GNA14: variants seen among roughly 807,000 people sequenced by gnomAD.
The protein encoded by GNA14 is guanine nucleotide-binding protein subunit alpha-14.
In GNA14, 50 loss-of-function variants were observed where a neutral mutation model predicts 42.0. That is an observed-to-expected ratio of 1.19 (90% CI 0.95 to 1.51). The LOEUF is 1.51. GNA14 is among the 40% of genes most tolerant of loss of function. The pLI is 0.00. For missense variants in GNA14, 473 were observed against 446.2 expected (o/e 1.06, Z -0.54); for synonymous variants, 173 against 163.1 (o/e 1.06, Z -0.46).
chr9:77,598,615 T>C (rs1823503129), intron 1 of GNA14, among the ~76,000 whole-genome samples: 1 of 152,214 alleles, frequency 6.6e-6, no homozygotes, highest in Non-Finnish European at 1.5e-5. Flanking sequence ...GAGGATTTAC[T>C]GGCATATATG....
chr9:77,639,642 T>TG (rs1824228993), intron 1 of GNA14, among the ~76,000 whole-genome samples: 4 of 152,238 alleles, frequency 2.6e-5, no homozygotes, highest in African/African-American at 9.6e-5. Context: ...CAGCAGCGAC[T>TG]GGCAGGGTGG....
At chr9:77,466,355 C>T (rs1836226160) in intron 2 of GNA14, among the ~76,000 whole-genome samples, 1 of 152,140 alleles carries the variant, frequency 6.6e-6, no homozygotes, top group South Asian at 2.1e-4. Context: ...TTTAAGTTCA[C>T]ACCGATTTTT....
At chr9:77,558,136 A>T (rs11145478) in intron 1 of GNA14, among the ~76,000 whole-genome samples, 42,172 of 152,148 alleles carry the variant, frequency 0.28, 6,878 homozygotes, top group African/African-American at 0.46. Flanking sequence ...ATAGATCAGA[A>T]AATATATAAT....
At chr9:77,571,385 T>C (rs1482391905) in intron 1 of GNA14, among the ~76,000 whole-genome samples, 1 of 152,058 alleles carries the variant, frequency 6.6e-6, no homozygotes, top group Non-Finnish European at 1.5e-5. Flanking sequence ...AGGGTCTTAT[T>C]TGTAGTGTAT....
intron 1 of GNA14, among the ~76,000 whole-genome samples, chr9:77,538,958 G>C (rs1837628936): frequency 6.6e-6 from 1 of 152,134 alleles, no homozygotes; most frequent in African/African-American, 2.4e-5. Context: ...CCACAAAGAG[G>C]TACAATTTGA....
At chr9:77,588,775 A>G (rs1823344878) in intron 1 of GNA14, among the ~76,000 whole-genome samples, 1 of 152,176 alleles carries the variant, frequency 6.6e-6, no homozygotes, top group South Asian at 2.1e-4. Context: ...AGCCCCAGGA[A>G]GTCCTTCTGA....
intron 2 of GNA14, among the ~76,000 whole-genome samples, chr9:77,478,260 G>A (rs1289394281): frequency 6.7e-6 from 1 of 149,058 alleles, no homozygotes; most frequent in Non-Finnish European, 1.5e-5. Context: ...TCCCACCTAT[G>A]AGTGAGAACA....
chr9:77,425,626 C>G lies in GNA14; in HGVS notation c.813G>C (p.Lys271Asn), dbSNP rs994560247. 3 of 1,608,864 alleles carry G rather than the reference C, an allele frequency of 1.9e-6. No homozygotes were observed. The highest frequency in any genetic ancestry group is 2.6e-6 in the Non-Finnish European group (3 of 1,175,396). The change falls in exon 6 of 7, where the codon AAG becomes AAC. Residue 271 changes from lysine to asparagine, a missense_variant. Transcript: ENST00000341700. Reference protein sequence around the residue: ...LNSSVILFLNKKDLLEEKIMY... With the variant: ...LNSSVILFLNNKDLLEEKIMY... ...TGATTTTCTCTTCCAAAAGATCCTTCTTGTTCAAGAATAAAATCACAGACG... is the reference window on the plus strand; with the variant it reads ...TGATTTTCTCTTCCAAAAGATCCTTGTTGTTCAAGAATAAAATCACAGACG...
At position 77,431,348 on chromosome 9, in the gene GNA14, G is replaced by T. The variant is rs1041303258; in HGVS notation, c.566C>A (p.Pro189Gln). Residue 189 changes from proline (P) to glutamine (Q), a missense_variant, in exon 4 of 7, where the codon CCA becomes CAA. Pro to Gln is a moderately conservative substitution (Grantham distance 76, BLOSUM62 -1). Transcript: ENST00000341700. ...AAAGATGATGTTTTCCAAGTCAAAT[G>T]GATACTCAATGATGCCGGTGGTGGG... ...RVPTTGIIEYPFDLENIIFRM... is the reference protein window; with the variant it reads ...RVPTTGIIEYQFDLENIIFRM... 2 of 1,613,704 alleles carry T rather than the reference G, an allele frequency of 1.2e-6. No individual in the cohort carries two copies. The highest frequency in any genetic ancestry group is 1.7e-6 in the Non-Finnish European group (2 of 1,179,812).
At chr9:77,496,241 A>G (rs897431026) in intron 2 of GNA14, among the ~76,000 whole-genome samples, 4 of 152,330 alleles carry the variant, frequency 2.6e-5, no homozygotes, top group African/African-American at 9.6e-5. Context: ...ATTTTAATGT[A>G]ATCTGCCCAT....
chr9:77,482,065 G>T (rs1836563212), intron 2 of GNA14, among the ~76,000 whole-genome samples: 1 of 152,134 alleles, frequency 6.6e-6, no homozygotes, highest in South Asian at 2.1e-4. Context: ...AGTTAATACT[G>T]TTATGTGTGA....
chr9:77,563,820 T>C (rs926191762), intron 1 of GNA14, among the ~76,000 whole-genome samples: 1 of 152,196 alleles, frequency 6.6e-6, no homozygotes, highest in Non-Finnish European at 1.5e-5. Context: ...TTGGACTCCC[T>C]GTTAGACAAC....
intron 1 of GNA14, among the ~76,000 whole-genome samples, chr9:77,561,812 A>G (rs1187917249): frequency 1.3e-5 from 2 of 152,238 alleles, no homozygotes; most frequent in Non-Finnish European, 2.9e-5. Context: ...AGGAAGCTAG[A>G]AATTGATGAC....
intron 2 of GNA14, among the ~76,000 whole-genome samples, chr9:77,442,899 A>G (rs1016492786): frequency 3.3e-5 from 5 of 152,244 alleles, no homozygotes; most frequent in South Asian, 2.1e-4. Flanking sequence ...ACCCAGAGGA[A>G]ACTGGAGTCT....
At chr9:77,444,049 T>C (rs1405430302) in intron 2 of GNA14, among the ~76,000 whole-genome samples, 2 of 152,182 alleles carry the variant, frequency 1.3e-5, no homozygotes, top group African/African-American at 4.8e-5. Flanking sequence ...GATAAAATAC[T>C]TAAACCCCTG....
intron 2 of GNA14, among the ~76,000 whole-genome samples, chr9:77,446,042 G>C (rs1348768864): frequency 1.3e-5 from 2 of 152,196 alleles, no homozygotes; most frequent in African/African-American, 4.8e-5. Context: ...CCAGTGACCA[G>C]GGCCCTGCTG....
At chr9:77,553,926 C>A (rs894530945) in intron 1 of GNA14, among the ~76,000 whole-genome samples, 18 of 152,092 alleles carry the variant, frequency 1.2e-4, no homozygotes, top group African/African-American at 3.6e-4. Context: ...TGACTCTCCA[C>A]AATGGAAATA....
rs1181899033 is a variant in GNA14 at position 77,618,581 on chromosome 9, AATATATATATATATAT to A, written c.124+29073_124+29088del. 1.4e-3 allele frequency among the ~76,000 whole-genome samples: 60 copies of A among 42,594 alleles called. 1 individual carries two copies. Among genetic ancestry groups the A allele is most frequent in the African/African-American group, 3.9e-3 (41 of 10,552 alleles). The allele number at this position is 42,594 out of a possible 152,430, so 27.9% of individuals were successfully genotyped here. On this transcript the variant is annotated intron_variant, in intron 1 of 6. Coordinates refer to ENST00000341700, the MANE Select transcript of GNA14 (RefSeq NM_004297.4). ...ATTATATGCTGGATGATTACATTTG[AATATATATATATATAT>A]ATATATATATATATATATATATATT...
At chr9:77,427,818 C>T (rs1396502249) in intron 5 of GNA14, among the ~76,000 whole-genome samples, 1 of 152,202 alleles carries the variant, frequency 6.6e-6, no homozygotes, top group Non-Finnish European at 1.5e-5. Flanking sequence ...AAGGCAGATG[C>T]AATCCCAGAC....
Sources: gnomAD v4.1 joint callset for allele counts (sites outside exome capture counted in the v4.1 genomes callset) on GRCh38, gnomAD v4.1.1 for gene constraint, MANE v1.5 for transcripts, NCBI Gene and HGNC (gene_info 2026-07-23, HGNC 2026-07-21) for gene names.